BMPR1B: variants seen among roughly 807,000 people sequenced by gnomAD.
BMPR1B encodes bone morphogenetic protein receptor type-1B.
Under a neutral mutation model 59.1 loss-of-function variants are expected in BMPR1B, and 12 were observed. The ratio of observed to expected loss-of-function variants is 0.20; its 90% CI spans 0.13 to 0.33. The LOEUF is 0.33. Among genes scored for constraint, BMPR1B ranks in the 10% least tolerant of loss-of-function variants. The pLI, the probability that BMPR1B is intolerant of heterozygous loss-of-function variation, is 1.00. For missense variants in BMPR1B, 550 were observed against 610.9 expected (o/e 0.90, Z 1.05); for synonymous variants, 237 against 207.3 (o/e 1.14, Z -1.23).
chr4:94,764,975 AT>A (rs1721915099), intron 1 of BMPR1B, among the ~76,000 whole-genome samples: 1 of 152,168 alleles, frequency 6.6e-6, no homozygotes, highest in Non-Finnish European at 1.5e-5. Flanking sequence ...ATTTAAAAAA[AT>A]AAACGGTGCA....
chr4:95,014,815 C>T (rs969203460), intron 3 of BMPR1B, among the ~76,000 whole-genome samples: 4 of 152,044 alleles, frequency 2.6e-5, no homozygotes, highest in East Asian at 1.9e-4. Flanking sequence ...TTTGAGATGT[C>T]GTTATTTCCC....
chr4:94,834,303 T>G lies in BMPR1B; in HGVS notation c.-182-41528T>G, dbSNP rs376984757. Among the ~76,000 whole-genome samples, 28 of 152,308 alleles carry G rather than the reference T, an allele frequency of 1.8e-4. No homozygotes were observed. The South Asian group carries it at 4.1e-3, about 23-fold the overall frequency. ...AGAGCTTTACAAGTGTAGAGTTGTTTGAGGGTACAGATCACTTCCATTAGT... is the reference window on the plus strand; with the variant it reads ...AGAGCTTTACAAGTGTAGAGTTGTTGGAGGGTACAGATCACTTCCATTAGT... On this transcript the variant is annotated intron_variant, in intron 1 of 12. Coordinates refer to ENST00000515059, the MANE Select transcript of BMPR1B (RefSeq NM_001203.3).
Position 95,154,786 on chromosome 4 carries a change from T to A in BMPR1B, c.*113T>A. On this transcript the variant is annotated 3_prime_UTR_variant, in exon 13 of 13. Transcript: ENST00000515059. Reference sequence around the variant, plus strand: ...ACAGTACAAGCCTTGAACATCGTCCTGCTTCCCAGTGGGTTCAGACCTCAC... The same window carrying A: ...ACAGTACAAGCCTTGAACATCGTCCAGCTTCCCAGTGGGTTCAGACCTCAC... 6.8e-7 allele frequency: 1 copy of A among 1,480,862 alleles called. No individual in the cohort carries two copies. 91.7% of individuals were successfully genotyped at this position (1,480,862 alleles called of 1,614,324 possible).
At chr4:94,962,328 G>A (rs529046643) in intron 2 of BMPR1B, among the ~76,000 whole-genome samples, 74 of 152,180 alleles carry the variant, frequency 4.9e-4, no homozygotes, top group African/African-American at 1.7e-3. Context: ...AGTAGAGACA[G>A]GGTTTTGCCA....
rs1731067938 is a variant in BMPR1B at position 95,104,578 on chromosome 4, T to C, written c.143+11T>C. On this transcript the variant is annotated intron_variant, in intron 4 of 12. Coordinates refer to ENST00000515059, the MANE Select transcript of BMPR1B (RefSeq NM_001203.3). ...CAACAATATTTGCAGGTTGGTGATATAAATGATTTAAAGCTAGCTTTAACA... is the reference window on the plus strand; with the variant it reads ...CAACAATATTTGCAGGTTGGTGATACAAATGATTTAAAGCTAGCTTTAACA... The C allele has an allele frequency of 6.2e-7, 1 of 1,613,160 alleles. No individual in the cohort carries two copies. Among genetic ancestry groups the C allele is most frequent in the South Asian group, 1.1e-5 (1 of 91,058 alleles).
At chr4:95,125,289 A>C (rs1407651843) in intron 8 of BMPR1B, among the ~76,000 whole-genome samples, 168 bp downstream of exon 8, 1 of 152,178 alleles carries the variant, frequency 6.6e-6, no homozygotes, top group Non-Finnish European at 1.5e-5. Flanking sequence ...ATTTTGACAT[A>C]TTGAGAGTAA....
At chr4:94,986,016 C>G (rs900698084) in intron 2 of BMPR1B, among the ~76,000 whole-genome samples, 4 of 152,046 alleles carry the variant, frequency 2.6e-5, no homozygotes, top group African/African-American at 9.7e-5. Flanking sequence ...CTTTCATTTT[C>G]TCTACTGGTG....
At position 95,101,136 on chromosome 4, in the gene BMPR1B, T is replaced by C. The variant is rs777953083; in HGVS notation, c.-17-3272T>C. On this transcript the variant is annotated intron_variant, in intron 3 of 12. Transcript: ENST00000515059. ...ACAAGATTACTATCTTTATGCTCTT[T>C]ATTCTTGACCTGGTCAAATTACCCA... Among the ~76,000 whole-genome samples, 56 of 152,158 alleles carry C rather than the reference T, an allele frequency of 3.7e-4. 1 individual carries two copies. The highest frequency in any genetic ancestry group is 8.8e-5 in the Non-Finnish European group (6 of 68,026).
intron 2 of BMPR1B, among the ~76,000 whole-genome samples, chr4:94,928,162 G>GCA (rs1299041545): frequency 6.7e-6 from 1 of 149,312 alleles, no homozygotes; most frequent in African/African-American, 2.5e-5. Flanking sequence ...CTGTTTTATT[G>GCA]TATTTTTTTT....
chr4:95,095,703 A>G (rs1730322222), intron 3 of BMPR1B, among the ~76,000 whole-genome samples: 1 of 152,068 alleles, frequency 6.6e-6, no homozygotes, highest in African/African-American at 2.4e-5. Flanking sequence ...TTTTTAATGA[A>G]TTTTAAAGTC....
intron 2 of BMPR1B, among the ~76,000 whole-genome samples, chr4:94,885,270 CAG>C (rs1727129202): frequency 6.6e-6 from 1 of 152,136 alleles, no homozygotes; most frequent in Non-Finnish European, 1.5e-5. Context: ...AACAGATAAA[CAG>C]ATATTAGTGC....
chr4:95,117,719 G>A (rs1046652842), intron 6 of BMPR1B, among the ~76,000 whole-genome samples: 4 of 152,020 alleles, frequency 2.6e-5, no homozygotes, highest in African/African-American at 9.7e-5. Context: ...CCGGAAGTTC[G>A]ACATTACATT....
In BMPR1B at chr4:95,004,760, T is replaced by A. The variant is rs959969787; in HGVS notation, c.-18+8626T>A. Among the ~76,000 whole-genome samples, 4 of 152,326 alleles carry A rather than the reference T, an allele frequency of 2.6e-5. No homozygotes were observed. The South Asian group carries it at 8.3e-4, about 32-fold the overall frequency. On this transcript the variant is annotated intron_variant, in intron 3 of 12. Coordinates refer to ENST00000515059, the MANE Select transcript of BMPR1B (RefSeq NM_001203.3). ...ACCTTGAAATTTATATCTGTGTTTA[T>A]TGTAAGAGGCTTTTTGGCAAATTGA...
At chr4:95,095,036 A>G (rs73839203) in intron 3 of BMPR1B, among the ~76,000 whole-genome samples, 6,715 of 151,824 alleles carry the variant, frequency 0.044, 503 homozygotes, top group African/African-American at 0.15. Flanking sequence ...TTTAGTGTAT[A>G]TATATATAAT....
intron 2 of BMPR1B, among the ~76,000 whole-genome samples, chr4:94,974,371 T>C (rs1315296305): frequency 6.6e-6 from 1 of 152,202 alleles, no homozygotes; most frequent in Non-Finnish European, 1.5e-5. Context: ...ATATCATTTT[T>C]TTTCATGCTG....
chr4:95,044,472 C>G (rs1725889039), intron 3 of BMPR1B, among the ~76,000 whole-genome samples: 1 of 152,190 alleles, frequency 6.6e-6, no homozygotes, highest in South Asian at 2.1e-4. Context: ...CACATGTAAT[C>G]TAGGCCTGAA....
At chr4:94,960,260 T>C (rs926421824) in intron 2 of BMPR1B, among the ~76,000 whole-genome samples, 1 of 152,194 alleles carries the variant, frequency 6.6e-6, no homozygotes, top group Non-Finnish European at 1.5e-5. Flanking sequence ...GGTACAGCTG[T>C]AGTATTAAGA....
chr4:94,926,065 ATCCCTCCCGT>A (rs778674315), intron 2 of BMPR1B, among the ~76,000 whole-genome samples: 7 of 72,298 alleles, frequency 9.7e-5, no homozygotes, highest in African/African-American at 3.1e-4. Context: ...CTCCCCCCCA[ATCCCTCCCGT>A]CTCCCTCCCC....
intron 2 of BMPR1B, among the ~76,000 whole-genome samples, chr4:94,970,489 T>C (rs1730748059): frequency 6.6e-6 from 1 of 152,062 alleles, no homozygotes. Flanking sequence ...ACTTTTTGTA[T>C]TTTTAGTAGA....
Sources: gnomAD v4.1 joint callset for allele counts (sites outside exome capture counted in the v4.1 genomes callset) on GRCh38, gnomAD v4.1.1 for gene constraint, MANE v1.5 for transcripts, NCBI Gene and HGNC (gene_info 2026-07-23, HGNC 2026-07-21) for gene names.